Variants in FRK observed in about 807,000 individuals in gnomAD.
FRK encodes the protein tyrosine-protein kinase FRK.
FRK carries 51 observed loss-of-function variants against 56.4 expected under a neutral mutation model. The observed-to-expected ratio is 0.90, with a 90% CI of 0.72 to 1.14. The LOEUF is 1.14. FRK is among the 50% of genes most tolerant of loss of function. FRK has a pLI of 0.00. For synonymous variants in FRK, 245 were observed against 217.9 expected (o/e 1.12, Z -1.10); for missense variants, 570 against 601.4 (o/e 0.95, Z 0.55).
At chr6:116,096,256 A>G in the FRK span, among the ~76,000 whole-genome samples, 1 of 152,230 alleles carries the variant, frequency 6.6e-6, no homozygotes, top group Admixed American at 6.5e-5. Context: ...GGAAGTAGCT[A>G]GAATGGTCAT....
At chr6:115,966,522 G>C (rs1181482252) in intron 4 of FRK, among the ~76,000 whole-genome samples, 1 of 152,172 alleles carries the variant, frequency 6.6e-6, no homozygotes, top group Non-Finnish European at 1.5e-5. Context: ...GGGAACCATG[G>C]TGTTACCCTA....
chr6:116,004,405 A>G (rs958015631), intron 1 of FRK, among the ~76,000 whole-genome samples: 4 of 152,166 alleles, frequency 2.6e-5, no homozygotes, highest in African/African-American at 9.7e-5. Context: ...CTGAGCTGTT[A>G]GGAGGCAAAT....
At chr6:115,977,184 C>T (rs1398471861) in intron 2 of FRK, among the ~76,000 whole-genome samples, 2 of 152,054 alleles carry the variant, frequency 1.3e-5, no homozygotes, top group African/African-American at 4.8e-5. Flanking sequence ...GTTGTATCTC[C>T]CATTAAAACA....
rs146019291 is a variant in FRK at position 115,947,588 on chromosome 6, T to A, written c.959-3163A>T. Among the ~76,000 whole-genome samples, 183 of 152,238 alleles carry A rather than the reference T, an allele frequency of 1.2e-3. 1 individual carries two copies. Among genetic ancestry groups the A allele is most frequent in the African/African-American group, 4.1e-3 (169 of 41,540 alleles). On this transcript the variant is annotated intron_variant, in intron 5 of 7. Coordinates refer to ENST00000606080, the MANE Select transcript of FRK (RefSeq NM_002031.3). ...GCTCTTAAAATCTCCCACATCTTTA[T>A]GGCTAGAGGGATGCATTTCAAAATG...
At chr6:116,084,880 G>A in the FRK span, among the ~76,000 whole-genome samples, 195 of 152,302 alleles carry the variant, frequency 1.3e-3, no homozygotes, top group Non-Finnish European at 1.6e-3. Flanking sequence ...AATATTCATA[G>A]CTTTGCAAAA....
At chr6:116,072,530 AACACACACACACAC>A in the FRK span, among the ~76,000 whole-genome samples, 4 of 144,870 alleles carry the variant, frequency 2.8e-5, no homozygotes, top group African/African-American at 1.0e-4. Flanking sequence ...AGGTTAAATA[AACACACACACACAC>A]ACACACACAC....
chr6:116,031,568 T>C (rs1776305353), intron 1 of FRK, among the ~76,000 whole-genome samples: 1 of 152,090 alleles, frequency 6.6e-6, no homozygotes, highest in South Asian at 2.1e-4. Flanking sequence ...TTTTAATTTA[T>C]GTTCCAAACT....
chr6:115,976,721 G>A (rs1219107284), intron 2 of FRK, among the ~76,000 whole-genome samples: 1 of 151,968 alleles, frequency 6.6e-6, no homozygotes, highest in African/African-American at 2.4e-5. Flanking sequence ...CTTAGGCAAG[G>A]AATTTCATTT....
intron 1 of FRK, among the ~76,000 whole-genome samples, chr6:116,019,431 C>T (rs1024260639): frequency 6.6e-6 from 1 of 152,128 alleles, no homozygotes; most frequent in Non-Finnish European, 1.5e-5. Flanking sequence ...AAGAACAAGT[C>T]CACTTTTACC....
intron 2 of FRK, among the ~76,000 whole-genome samples, chr6:115,982,820 G>A (rs532559834): frequency 1.3e-5 from 2 of 152,060 alleles, no homozygotes; most frequent in Admixed American, 6.6e-5. Context: ...GCCTGTAATC[G>A]CAGCACTTTG....
chr6:116,074,478 G>A, the FRK span, among the ~76,000 whole-genome samples: 1 of 152,096 alleles, frequency 6.6e-6, no homozygotes, highest in Non-Finnish European at 1.5e-5. Flanking sequence ...ATTTCTTCGA[G>A]TAATCAGATA....
chr6:116,099,453 A>G, the FRK span, among the ~76,000 whole-genome samples: 2 of 152,252 alleles, frequency 1.3e-5, no homozygotes, highest in African/African-American at 2.4e-5. Flanking sequence ...GCCAAGGTCA[A>G]TGCTCCAGGG....
the FRK span, among the ~76,000 whole-genome samples, chr6:116,073,741 T>C: frequency 2.0e-5 from 3 of 152,174 alleles, no homozygotes; most frequent in African/African-American, 2.4e-5. Context: ...ACTCCATTTT[T>C]CCATTAAAAT....
intron 1 of FRK, among the ~76,000 whole-genome samples, chr6:116,030,313 T>C (rs1348185349): frequency 6.6e-6 from 1 of 152,098 alleles, no homozygotes; most frequent in Non-Finnish European, 1.5e-5. Flanking sequence ...CACTCGTGGT[T>C]TTGCCAACTT....
chr6:116,021,993 C>A (rs908453899), intron 1 of FRK, among the ~76,000 whole-genome samples: 2 of 151,536 alleles, frequency 1.3e-5, no homozygotes, highest in Non-Finnish European at 3.0e-5. Flanking sequence ...AAAGAGGAGA[C>A]CATCACAGAT....
chr6:115,953,095 TAAAAAAAGAA>T (rs1772834888), intron 5 of FRK, among the ~76,000 whole-genome samples: 1 of 137,952 alleles, frequency 7.2e-6, no homozygotes, highest in South Asian at 2.1e-4. Context: ...AAAAATTTTT[TAAAAAAAGAA>T]AAAAAAAGAA....
At chr6:115,982,425 C>G (rs1166231651) in intron 2 of FRK, among the ~76,000 whole-genome samples, 1 of 152,160 alleles carries the variant, frequency 6.6e-6, no homozygotes, top group Non-Finnish European at 1.5e-5. Context: ...CATATATATA[C>G]TTTACTAGTT....
intron 1 of FRK, among the ~76,000 whole-genome samples, chr6:116,032,353 G>A (rs1314790957): frequency 6.6e-6 from 1 of 152,032 alleles, no homozygotes; most frequent in Non-Finnish European, 1.5e-5. Flanking sequence ...TCTCTTACAT[G>A]TAAATGAGAA....
At chr6:116,001,591 C>T (rs1001573406) in intron 2 of FRK, among the ~76,000 whole-genome samples, 2 of 152,132 alleles carry the variant, frequency 1.3e-5, no homozygotes, top group Admixed American at 6.5e-5. Context: ...GCTGTATCAA[C>T]CAATCAGGAC....
Sources: allele counts gnomAD v4.1 joint callset (sites outside exome capture counted in the v4.1 genomes callset), GRCh38; gene constraint gnomAD v4.1.1; transcripts MANE v1.5; gene names NCBI Gene and HGNC (gene_info 2026-07-23, HGNC 2026-07-21).